The following TMC3 variants were observed in gnomAD, a reference collection of about 807,000 sequenced individuals.
TMC3 encodes transmembrane channel like 3.
A neutral mutation model predicts 110.6 loss-of-function variants in TMC3; 98 were observed. That is an observed-to-expected ratio of 0.89 (90% confidence interval 0.75 to 1.05). TMC3 has a LOEUF of 1.05. Ranked by LOEUF, TMC3 falls within the 50% of genes least tolerant of loss-of-function variation. TMC3 has a pLI of 0.00. For synonymous variants in TMC3, 489 were observed against 513.1 expected (o/e 0.95, Z 0.63); for missense variants, 1,319 against 1,373.2 (o/e 0.96, Z 0.62).
chr15:81,359,401 G>A lies in TMC3; in HGVS notation c.465C>T (p.Leu155=). ...CAATAAAAGCACCTGTCATAATGGT[G>A]AGCACAATATTAATTCCAAATAACC... ...LRWLFGINIV[L]TIMTGAFIVI... is the part of the protein sequence containing the mutation. Residue 155 remains leucine (L), a synonymous_variant, in exon 5 of 22, where the codon CTC becomes CTT. Transcript: ENST00000359440. 6.2e-7 allele frequency: 1 copy of A among 1,606,578 alleles called. No individual in the cohort carries two copies. Among genetic ancestry groups the A allele is most frequent in the Non-Finnish European group, 8.5e-7 (1 of 1,177,354 alleles).
chr15:81,343,938 A>G lies in TMC3; in HGVS notation c.1626T>C (p.Cys542=). ...TTACAAACTTGCTCTCCAGATCCCA[A>G]CACCAGTAGTCACTTAAGTACCGCA... is the stretch of plus-strand genomic sequence containing the variant. ...LFVRYLSDYW[C]WDLESKFPEY... is the part of the protein sequence containing the mutation. The change falls in exon 14 of 22, where the codon TGT becomes TGC. Residue 542 remains cysteine (C), a synonymous_variant. Coordinates refer to ENST00000359440, the MANE Select transcript of TMC3 (RefSeq NM_001080532.3). 1 of 1,612,710 alleles carries G rather than the reference A, an allele frequency of 6.2e-7. No individual in the cohort carries two copies. The highest frequency in any genetic ancestry group is 8.5e-7 in the Non-Finnish European group (1 of 1,179,118).
chr15:81,339,686 A>G (rs980469557), intron 16 of TMC3, among the ~76,000 whole-genome samples, 182 bp from the exon 17 acceptor site: 1 of 152,136 alleles, frequency 6.6e-6, no homozygotes, highest in Non-Finnish European at 1.5e-5. Flanking sequence ...AAACCTAGAA[A>G]TCAGCGTTCA....
At chr15:81,365,964 T>G (rs1894307378) in intron 3 of TMC3, among the ~76,000 whole-genome samples, 1 of 152,196 alleles carries the variant, frequency 6.6e-6, no homozygotes, top group South Asian at 2.1e-4. Context: ...ATGTGATACA[T>G]GCACATATCA....
intron 20 of TMC3, 128 bp from the exon 21 acceptor site, chr15:81,335,103 A>G: frequency 1.0e-6 from 1 of 979,648 alleles, no homozygotes. Context: ...TGCACTTACA[A>G]ATGCACCTAA....
In TMC3 at chr15:81,332,411, G is replaced by A. The variant is rs1349671160; in HGVS notation, c.*8C>T. On this transcript the variant is annotated 3_prime_UTR_variant, in exon 22 of 22. Coordinates refer to ENST00000359440, the MANE Select transcript of TMC3 (RefSeq NM_001080532.3). ...CCTGACCTCTAGGAACGGGACACTG[G>A]AGGAAGCCTAGACATCTGAACAAAT... 3.1e-6 allele frequency: 5 copies of A among 1,589,640 alleles called. No homozygotes were observed. The highest frequency in any genetic ancestry group is 4.3e-6 in the Non-Finnish European group (5 of 1,165,522).
chr15:81,339,603 TCTTTGCAAACTA>T, intron 16 of TMC3, 99 bp from the exon 17 acceptor site: 2 of 896,592 alleles, frequency 2.2e-6, no homozygotes, highest in Non-Finnish European at 3.6e-6. Flanking sequence ...TTGCCCTGAC[TCTTTGCAAACTA>T]AAAATCCTCC....
In TMC3 at chr15:81,344,875, A is replaced by G. The variant is rs777335043; in HGVS notation, c.1409T>C (p.Leu470Ser). The G allele has an allele frequency of 1.6e-5, 26 of 1,613,980 alleles. No individual in the cohort carries two copies. Among genetic ancestry groups the G allele is most frequent in the Non-Finnish European group, 2.1e-5 (25 of 1,179,884 alleles). The part of the protein sequence containing the change: ...MGLRRNNTWA[L>S]EETSISAYTM... ...ATAAGCTGAAATGCTGGTCTCTTCC[A>G]AGGCCCATGTGTTGTTTCTCCTGAG... The change falls in exon 13 of 22, where the codon TTG becomes TCG. Residue 470 changes from leucine (L) to serine (S), a missense_variant. Leu to Ser is a moderately radical substitution (Grantham distance 145, BLOSUM62 -2). Coordinates refer to ENST00000359440, the MANE Select transcript of TMC3 (RefSeq NM_001080532.3).
intron 2 of TMC3, among the ~76,000 whole-genome samples, chr15:81,371,474 G>A (rs1894433000): frequency 6.6e-6 from 1 of 152,238 alleles, no homozygotes; most frequent in African/African-American, 2.4e-5. Flanking sequence ...AGATCGGACA[G>A]TGGTTCTGTC....
chr15:81,340,827 C>G (rs1217362179), intron 16 of TMC3, among the ~76,000 whole-genome samples: 1 of 152,200 alleles, frequency 6.6e-6, no homozygotes, highest in African/African-American at 2.4e-5. Flanking sequence ...CTGGAAGCAA[C>G]CTACATGCCC....
At position 81,332,616 on chromosome 15, in the gene TMC3, G is replaced by A. The variant is rs1436422553; in HGVS notation, c.3106C>T (p.Pro1036Ser). The change falls in exon 22 of 22, where the codon CCA becomes TCA. Residue 1036 changes from proline to serine, a missense_variant. Transcript: ENST00000359440. ...ACGGAGTCAGATTCCGTGAGGGATG[G>A]CTCGAACCTGGGCTTCCCTCTGGGC... ...LKPRGKPRFE[P>S]SLTESDSVSA... The A allele has an allele frequency of 6.2e-7, 1 of 1,614,008 alleles. No individual in the cohort carries two copies. The highest frequency in any genetic ancestry group is 1.7e-5 in the Admixed American group (1 of 60,028).
chr15:81,367,906 CAT>C (rs1168157801), intron 3 of TMC3, among the ~76,000 whole-genome samples: 10 of 152,074 alleles, frequency 6.6e-5, no homozygotes, highest in African/African-American at 2.2e-4. Flanking sequence ...ACAGTGCTCA[CAT>C]GTGTGTGTGT....
At chr15:81,352,062 G>A (rs1179895574) in intron 9 of TMC3, among the ~76,000 whole-genome samples, 1 of 152,142 alleles carries the variant, frequency 6.6e-6, no homozygotes, top group Non-Finnish European at 1.5e-5. Flanking sequence ...CTGCATCAGT[G>A]GGGTTTGAAA....
At chr15:81,359,597 C>A (rs1163700213) in intron 4 of TMC3, 126 bp from the exon 5 acceptor site, 2 of 623,822 alleles carry the variant, frequency 3.2e-6, no homozygotes, top group East Asian at 5.8e-5. Flanking sequence ...CATTATTGTA[C>A]CAATCGAGGT....
chr15:81,364,706 AAAAAAAAT>A (rs1158346380), intron 3 of TMC3, among the ~76,000 whole-genome samples: 25 of 127,878 alleles, frequency 2.0e-4, no homozygotes, highest in Non-Finnish European at 4.0e-4. Flanking sequence ...ATTCCAAAAA[AAAAAAAAT>A]AAAAAATAAA....
Position 81,362,257 on chromosome 15 carries a change from G to T in TMC3, c.357C>A (p.Ile119=), listed in dbSNP as rs1374352909. The change falls in exon 4 of 22, where the codon ATC becomes ATA. Residue 119 remains isoleucine (I), a synonymous_variant. Transcript: ENST00000359440. ...TTATCCTCATTTCCCAGGGAATGAA[G>T]ATGACCACAAAGTTACAGGCGAGAC... ...FARLACNFVV[I]FIPWEMRIKK... is the part of the protein sequence containing the mutation. 6.2e-7 allele frequency: 1 copy of T among 1,612,688 alleles called. No individual in the cohort carries two copies. The highest frequency in any genetic ancestry group is 2.2e-5 in the East Asian group (1 of 44,856).
chr15:81,348,257 T>C (rs1414660119), intron 11 of TMC3, among the ~76,000 whole-genome samples: 1 of 152,192 alleles, frequency 6.6e-6, no homozygotes, highest in Non-Finnish European at 1.5e-5. Flanking sequence ...CTGTGGAAAA[T>C]TAGTTCTGTA....
At chr15:81,355,546 C>A (rs190068697) in intron 9 of TMC3, among the ~76,000 whole-genome samples, 179 bp downstream of exon 9, 15 of 152,242 alleles carry the variant, frequency 9.9e-5, no homozygotes, top group Non-Finnish European at 1.9e-4. Flanking sequence ...AGGAGGAAGT[C>A]GTCCTAAATA....
chr15:81,341,586 C>T (rs1893717505), intron 15 of TMC3, 68 bp from the exon 16 acceptor site: 1 of 1,525,164 alleles, frequency 6.6e-7, no homozygotes. Context: ...CTATGGAAGC[C>T]CCATGCAGGA....
At chr15:81,337,708 G>T in intron 19 of TMC3, 138 bp downstream of exon 19, 1 of 716,766 alleles carries the variant, frequency 1.4e-6, no homozygotes, top group Non-Finnish European at 2.5e-6. Flanking sequence ...TCTGGGGATT[G>T]GTGGCCTTGC....
Sources: gnomAD v4.1 joint callset for allele counts (sites outside exome capture counted in the v4.1 genomes callset) on GRCh38, gnomAD v4.1.1 for gene constraint, MANE v1.5 for transcripts, NCBI Gene and HGNC (gene_info 2026-07-23, HGNC 2026-07-21) for gene names.